Variants in CHRM2 observed in about 807,000 individuals in gnomAD.
CHRM2 encodes cholinergic receptor muscarinic 2, also known as muscarinic acetylcholine receptor M2.
CHRM2 carries 8 observed loss-of-function variants against 25.0 expected under a neutral mutation model. The observed-to-expected ratio is 0.32, with a 90% CI of 0.19 to 0.58. CHRM2 has a LOEUF of 0.58. CHRM2 is among the 20% of genes least tolerant of loss of function. The pLI, the probability that CHRM2 is intolerant of heterozygous loss-of-function variation, is 0.88. For missense variants in CHRM2, 440 were observed against 567.1 expected, an observed-to-expected ratio of 0.78 and a Z score of 2.28; for synonymous variants, 202 against 205.7, an observed-to-expected ratio of 0.98 and a Z score of 0.15.
chr7:136,896,562 TTG>T (rs557222977), intron 2 of CHRM2, among the ~76,000 whole-genome samples: 5 of 151,314 alleles, frequency 3.3e-5, no homozygotes, highest in African/African-American at 4.8e-5. Context: ...CTACCTTGCA[TTG>T]TGTGTGTGTG....
At chr7:136,921,228 G>A (rs1798411638) in intron 2 of CHRM2, among the ~76,000 whole-genome samples, 1 of 152,014 alleles carries the variant, frequency 6.6e-6, no homozygotes, top group African/African-American at 2.4e-5. Flanking sequence ...TCCTACACCT[G>A]GCACAATCTC....
At chr7:137,012,683 A>G (rs888754423) in intron 3 of CHRM2, among the ~76,000 whole-genome samples, 1 of 152,002 alleles carries the variant, frequency 6.6e-6, no homozygotes, top group Non-Finnish European at 1.5e-5. Flanking sequence ...TCCCTTGTCA[A>G]TGAATAGTTT....
intron 3 of CHRM2, among the ~76,000 whole-genome samples, chr7:136,994,654 A>C (rs1803471740): frequency 6.6e-6 from 1 of 150,686 alleles, no homozygotes; most frequent in African/African-American, 2.4e-5. Context: ...TTTTCAACAA[A>C]GAAAGACGTT....
intron 2 of CHRM2, among the ~76,000 whole-genome samples, chr7:136,990,314 C>A (rs989246969): frequency 6.6e-6 from 1 of 152,094 alleles, no homozygotes; most frequent in Non-Finnish European, 1.5e-5. Flanking sequence ...ATGTACCCAT[C>A]ATTATATTAT....
At chr7:137,014,221 C>T (rs1232680418) in intron 3 of CHRM2, among the ~76,000 whole-genome samples, 2 of 151,786 alleles carry the variant, frequency 1.3e-5, no homozygotes, top group African/African-American at 4.8e-5. Flanking sequence ...AAAATAGAGG[C>T]AAGAGGAAAA....
intron 2 of CHRM2, chr7:136,938,654 C>A: frequency 1.2e-6 from 1 of 823,828 alleles, no homozygotes; most frequent in South Asian, 1.4e-5. Flanking sequence ...ACAGGGCCCA[C>A]TCGTGCAGGA....
rs998195263 is a variant in CHRM2, at chr7:136,888,965, A to G, written c.-125+19547A>G. Among the ~76,000 whole-genome samples, 24 of 147,832 alleles carry G rather than the reference A, an allele frequency of 1.6e-4. 1 individual carries two copies. The East Asian group carries it at 4.8e-3, about 29-fold the overall frequency. ...TGGGAGGCTGAGGCAGGAGAATGGC[A>G]TGAACCCGGGAGGCGGAGCTTGCAG... On this transcript the variant is annotated intron_variant, in intron 2 of 3. Transcript: ENST00000680005.
At chr7:136,885,874 G>A (rs1796442762) in intron 2 of CHRM2, among the ~76,000 whole-genome samples, 1 of 152,154 alleles carries the variant, frequency 6.6e-6, no homozygotes, top group Non-Finnish European at 1.5e-5. Flanking sequence ...CTTAGCAGAA[G>A]AGGGTAGAGC....
intron 2 of CHRM2, among the ~76,000 whole-genome samples, chr7:136,952,952 C>T (rs1329284846): frequency 6.6e-6 from 1 of 152,048 alleles, no homozygotes; most frequent in African/African-American, 2.4e-5. Flanking sequence ...TTTATATATA[C>T]TGCATTTTCT....
chr7:136,995,956 T>C (rs1164274041), intron 3 of CHRM2, among the ~76,000 whole-genome samples: 1 of 151,764 alleles, frequency 6.6e-6, no homozygotes, highest in Non-Finnish European at 1.5e-5. Flanking sequence ...AAAATATTGC[T>C]ACGGGTGTAA....
intron 2 of CHRM2, among the ~76,000 whole-genome samples, chr7:136,965,725 C>T (rs1184097988): frequency 6.6e-6 from 1 of 151,928 alleles, no homozygotes; most frequent in African/African-American, 2.4e-5. Context: ...AATCAGCCTC[C>T]CAGTGGTTGG....
rs1409906654 is a variant in CHRM2, at chr7:137,015,817, G to A, written c.952G>A (p.Glu318Lys). Reference protein sequence around the residue: ...VSTSLGHSKDENSKQTCIRIG... With the variant: ...VSTSLGHSKDKNSKQTCIRIG... Reference sequence around the variant, plus strand: ...CACTTCCCTGGGCCATTCCAAAGATGAGAACTCTAAGCAAACATGCATCAG... The same window carrying A: ...CACTTCCCTGGGCCATTCCAAAGATAAGAACTCTAAGCAAACATGCATCAG... Residue 318 changes from glutamate to lysine, a missense_variant, in exon 4 of 4, where the codon GAG becomes AAG. By Grantham distance (56) the Glu-to-Lys change is moderately conservative. Transcript: ENST00000680005. This position sits in a 1 kb window ranked among gnomAD's most constrained non-coding sequence, Gnocchi z 5.1. 6.2e-6 allele frequency: 10 copies of A among 1,612,892 alleles called. No individual in the cohort carries two copies. The highest frequency in any genetic ancestry group is 2.2e-5 in the East Asian group (1 of 44,766).
chr7:136,984,093 AC>A (rs1327106981), intron 2 of CHRM2, among the ~76,000 whole-genome samples: 1 of 151,732 alleles, frequency 6.6e-6, no homozygotes, highest in Non-Finnish European at 1.5e-5. Flanking sequence ...TTTATCTATA[AC>A]CCCCTGACTG....
chr7:136,941,199 A>G (rs111445318), intron 2 of CHRM2, among the ~76,000 whole-genome samples: 1,997 of 152,302 alleles, frequency 0.013, 23 homozygotes, highest in Middle Eastern at 0.027. Context: ...CCTCTAGCTT[A>G]AAACTCTTCA....
chr7:136,980,217 G>A lies in CHRM2; in HGVS notation c.-124-11970G>A, dbSNP rs576336486. On this transcript the variant is annotated intron_variant, in intron 2 of 3. Coordinates refer to ENST00000680005, the MANE Select transcript of CHRM2 (RefSeq NM_001006630.2). ...ATTCTCTTTGTAGCAGTTGTGAATG[G>A]GAGTTCACTCATGATTTGGCTCTCT... is the stretch of plus-strand genomic sequence containing the variant. 8.5e-5 allele frequency among the ~76,000 whole-genome samples: 13 copies of A among 152,192 alleles called. 1 individual carries two copies. In the East Asian group the frequency reaches 2.3e-3, roughly 27 times the overall value.
At chr7:137,011,140 C>T (rs1804776936) in intron 3 of CHRM2, among the ~76,000 whole-genome samples, 1 of 150,620 alleles carries the variant, frequency 6.6e-6, no homozygotes, top group Admixed American at 6.6e-5. Context: ...TTCTCTAATA[C>T]CAAATCTGTA....
chr7:136,892,775 T>C (rs1796744281), intron 2 of CHRM2, among the ~76,000 whole-genome samples: 1 of 151,850 alleles, frequency 6.6e-6, no homozygotes, highest in Non-Finnish European at 1.5e-5. Flanking sequence ...GTTCCATCGA[T>C]TCTCCTGCCT....
intron 2 of CHRM2, among the ~76,000 whole-genome samples, chr7:136,949,883 T>C (rs1259862958): frequency 6.6e-6 from 1 of 152,122 alleles, no homozygotes; most frequent in Non-Finnish European, 1.5e-5. Flanking sequence ...AAGCCTGCGC[T>C]CTAAGGAATT....
chr7:136,886,384 C>T (rs989138434), intron 2 of CHRM2, among the ~76,000 whole-genome samples: 9 of 152,220 alleles, frequency 5.9e-5, no homozygotes, highest in African/African-American at 2.2e-4. Context: ...GTACCCAAAG[C>T]ACTGAAAGAA....
Sources: gnomAD v4.1 joint callset for allele counts (sites outside exome capture counted in the v4.1 genomes callset) on GRCh38, gnomAD v4.1.1 for gene constraint, Gnocchi (gnomAD v3.1) non-coding constraint, MANE v1.5 for transcripts, NCBI Gene and HGNC (gene_info 2026-07-23, HGNC 2026-07-21) for gene names.